The following ACSS3 variants were observed in gnomAD, a reference collection of about 807,000 sequenced individuals.
ACSS3 encodes the protein acyl-CoA synthetase short chain family member 3.
In ACSS3, 64 loss-of-function variants were observed where a neutral mutation model predicts 84.2. The ratio of observed to expected loss-of-function variants is 0.76; its 90% CI spans 0.62 to 0.94. The LOEUF (loss-of-function observed/expected upper bound fraction) is 0.94, where lower values mean the gene tolerates loss of function less well. Ranked by LOEUF, ACSS3 falls within the 40% of genes least tolerant of loss-of-function variation. The pLI is 0.00. For synonymous variants in ACSS3, 317 were observed against 310.1 expected (o/e 1.02, Z -0.23); for missense variants, 815 against 867.6 (o/e 0.94, Z 0.76).
chr12:81,236,518 G>T lies in ACSS3; in HGVS notation c.1719+3047G>T, dbSNP rs542807047. 2.0e-5 allele frequency among the ~76,000 whole-genome samples: 3 copies of T among 151,106 alleles called. No homozygotes were observed. In the South Asian group the frequency reaches 6.2e-4, roughly 31 times the overall value. On this transcript the variant is annotated intron_variant, in intron 13 of 15. Coordinates refer to ENST00000548058, the MANE Select transcript of ACSS3 (RefSeq NM_024560.4). ...TCTATCTGTATTATGTTTCATGTGGGTTTCTTGTAGACAGCACCTACTTAG... is the reference window on the plus strand; with the variant it reads ...TCTATCTGTATTATGTTTCATGTGGTTTTCTTGTAGACAGCACCTACTTAG...
chr12:81,242,977 C>T (rs1431103917), intron 13 of ACSS3, among the ~76,000 whole-genome samples: 3 of 152,096 alleles, frequency 2.0e-5, no homozygotes, highest in Admixed American at 2.0e-4. Flanking sequence ...CTCACCACTC[C>T]TATTCAACAT....
chr12:81,259,698 G>C lies in ACSS3; in HGVS notation c.*4776G>C, dbSNP rs1244336651. On this transcript the variant is annotated 3_prime_UTR_variant, in exon 16 of 16. Coordinates refer to ENST00000548058, the MANE Select transcript of ACSS3 (RefSeq NM_024560.4). ...ATGGATAGCATTAGTTCACTGAAAA[G>C]TCCCAGACTGGGAAATCTCATTCTA... 6.6e-7 allele frequency: 1 copy of C among 1,524,172 alleles called. No homozygotes were observed. The highest frequency in any genetic ancestry group is 8.8e-7 in the Non-Finnish European group (1 of 1,136,776). The allele number at this position is 1,524,172 out of a possible 1,614,324, so 94.4% of individuals were successfully genotyped here. A position where few individuals can be genotyped will look rare whatever the true frequency, so the allele number is the denominator to read the frequency against.
intron 1 of ACSS3, among the ~76,000 whole-genome samples, chr12:81,107,556 AT>A (rs1883171279): frequency 5.7e-5 from 6 of 105,440 alleles, no homozygotes; most frequent in Admixed American, 3.2e-4. Context: ...ATATATATAT[AT>A]ATAAATGTTT....
At chr12:81,232,493 TA>T (rs1383504944) in intron 12 of ACSS3, among the ~76,000 whole-genome samples, 1 of 151,788 alleles carries the variant, frequency 6.6e-6, no homozygotes, top group Non-Finnish European at 1.5e-5. Flanking sequence ...TACTCTTAAC[TA>T]CTACTCTAGA....
intron 13 of ACSS3, among the ~76,000 whole-genome samples, chr12:81,245,946 G>T (rs1026939067): frequency 6.6e-6 from 1 of 152,052 alleles, no homozygotes; most frequent in Admixed American, 6.6e-5. Context: ...ATGAGTCAGG[G>T]CTTTGTCTCC....
At chr12:81,130,372 A>G (rs375729999) in intron 2 of ACSS3, among the ~76,000 whole-genome samples, 18 of 152,278 alleles carry the variant, frequency 1.2e-4, no homozygotes, top group Admixed American at 3.9e-4. Flanking sequence ...TTCTCTGATG[A>G]CCAGTGATGA....
chr12:81,161,077 A>G (rs1887122680), intron 7 of ACSS3, among the ~76,000 whole-genome samples: 1 of 152,256 alleles, frequency 6.6e-6, no homozygotes, highest in Admixed American at 6.5e-5. Flanking sequence ...ATTCTAATAT[A>G]TAAACACTAA....
chr12:81,145,019 G>GC (rs1220012283), intron 5 of ACSS3, among the ~76,000 whole-genome samples: 6 of 144,378 alleles, frequency 4.2e-5, no homozygotes, highest in Non-Finnish European at 7.5e-5. Flanking sequence ...TCGTGCCTTA[G>GC]CCCCCCGAGT....
intron 13 of ACSS3, among the ~76,000 whole-genome samples, chr12:81,251,828 G>A (rs554048224): frequency 1.3e-5 from 2 of 152,154 alleles, no homozygotes; most frequent in African/African-American, 4.8e-5. Flanking sequence ...AGGTGGCAGA[G>A]TGAGATCTTG....
Position 81,139,137 on chromosome 12 carries a change from G to T in ACSS3, c.652G>T (p.Val218Leu). Residue 218 changes from valine (V) to leucine (L), a missense_variant, in exon 4 of 16, where the codon GTG (valine) becomes TTG (leucine). Coordinates refer to ENST00000548058, the MANE Select transcript of ACSS3 (RefSeq NM_024560.4). ...SSRIDHVKPK[V>L]VVTASFGIEP... ...TATTATTTTTTAATTGTAGCCCAAG[G>T]TGGTTGTTACAGCATCATTTGGCAT... The T allele has an allele frequency of 6.2e-7, 1 of 1,613,104 alleles. No homozygotes were observed. Among genetic ancestry groups the T allele is most frequent in the Middle Eastern group, 1.7e-4 (1 of 6,058 alleles).
chr12:81,246,036 G>A (rs2033974714), intron 13 of ACSS3, among the ~76,000 whole-genome samples: 1 of 152,052 alleles, frequency 6.6e-6, no homozygotes, highest in Admixed American at 6.5e-5. Context: ...TCTCTTTGCT[G>A]GCAGTTGCCT....
chr12:81,244,114 C>T (rs548553751), intron 13 of ACSS3, among the ~76,000 whole-genome samples: 24 of 152,144 alleles, frequency 1.6e-4, no homozygotes, highest in African/African-American at 5.1e-4. Flanking sequence ...ATATAGCAAT[C>T]TGGAATTCTG....
intron 2 of ACSS3, among the ~76,000 whole-genome samples, chr12:81,129,193 C>G (rs1039008229): frequency 1.2e-4 from 18 of 152,084 alleles, no homozygotes; most frequent in African/African-American, 3.4e-4. Flanking sequence ...GTTGACAACT[C>G]AGATGCCTAC....
intron 11 of ACSS3, among the ~76,000 whole-genome samples, chr12:81,230,375 G>A (rs755200856): frequency 2.6e-5 from 4 of 151,838 alleles, no homozygotes; most frequent in Non-Finnish European, 5.9e-5. Context: ...TTAAGCCCTT[G>A]CCATGCATAT....
chr12:81,248,874 CA>C (rs1362451421), intron 13 of ACSS3, among the ~76,000 whole-genome samples: 3 of 151,596 alleles, frequency 2.0e-5, no homozygotes, highest in Non-Finnish European at 3.0e-5. Context: ...ATTTCGAGTA[CA>C]AAAAAACCGT....
In ACSS3 at chr12:81,231,037, C is replaced by G. The variant is rs990388620; in HGVS notation, c.1515-20C>G. On this transcript the variant is annotated intron_variant, in intron 11 of 15. Transcript: ENST00000548058. The stretch of plus-strand genomic sequence containing the variant: ...ATTACCACTTTCATCATAATTTTAA[C>G]TTCTCTGTTTTTATATAAGGTTACC... 1 of 1,577,994 alleles carries G rather than the reference C, an allele frequency of 6.3e-7. No individual in the cohort carries two copies. The highest frequency in any genetic ancestry group is 2.2e-5 in the East Asian group (1 of 44,542).
intron 9 of ACSS3, among the ~76,000 whole-genome samples, chr12:81,216,193 TTTA>T (rs2032907637): frequency 1.3e-5 from 2 of 151,320 alleles, no homozygotes; most frequent in African/African-American, 2.4e-5. Context: ...TTTTTTTATT[TTTA>T]TTATTATTAT....
intron 1 of ACSS3, among the ~76,000 whole-genome samples, chr12:81,096,087 CTGTGTGA>C (rs1882022564): frequency 6.6e-6 from 1 of 152,208 alleles, no homozygotes; most frequent in South Asian, 2.1e-4. Context: ...TGGGATATCA[CTGTGTGA>C]ATAAAGCAAA....
At chr12:81,107,909 G>A (rs1883212802) in intron 1 of ACSS3, among the ~76,000 whole-genome samples, 2 of 151,908 alleles carry the variant, frequency 1.3e-5, no homozygotes, top group Non-Finnish European at 2.9e-5. Context: ...TGTTCTCCTG[G>A]AGAAGGTAGT....
Sources: allele counts gnomAD v4.1 joint callset (sites outside exome capture counted in the v4.1 genomes callset), GRCh38; gene constraint gnomAD v4.1.1; transcripts MANE v1.5; gene names NCBI Gene and HGNC (gene_info 2026-07-23, HGNC 2026-07-21).